SPACA7: variants seen among roughly 807,000 people sequenced by gnomAD.
SPACA7 encodes the protein sperm acrosome associated 7.
In SPACA7, 19 loss-of-function variants were observed where a neutral mutation model predicts 26.3. That is an observed-to-expected ratio of 0.72 (90% CI 0.50 to 1.06). The LOEUF (loss-of-function observed/expected upper bound fraction) is 1.06. Among genes scored for constraint, SPACA7 ranks in the 50% least tolerant of loss-of-function variants. SPACA7 has a pLI of 0.00. For synonymous variants in SPACA7, 84 were observed against 84.5 expected, an observed-to-expected ratio of 0.99 and a Z score of 0.04; for missense variants, 211 against 229.9, an observed-to-expected ratio of 0.92 and a Z score of 0.53.
intron 5 of SPACA7, among the ~76,000 whole-genome samples, chr13:112,414,203 A>C (rs906279055): frequency 2.6e-5 from 4 of 152,078 alleles, no homozygotes; most frequent in African/African-American, 9.7e-5. Context: ...CAAACATTCA[A>C]ACTATATCAG....
chr13:112,389,816 C>A (rs1884760832), intron 1 of SPACA7, among the ~76,000 whole-genome samples: 1 of 152,168 alleles, frequency 6.6e-6, no homozygotes, highest in Admixed American at 6.5e-5. Flanking sequence ...AATTATGTTT[C>A]TGATAAAAAC....
chr13:112,401,025 A>T (rs769311538), intron 4 of SPACA7, 44 bp from the exon 5 acceptor site: 1 of 1,414,532 alleles, frequency 7.1e-7, no homozygotes, highest in Admixed American at 1.7e-5. Context: ...ATAAGTGTGT[A>T]ATCAAGGACA....
intron 1 of SPACA7, among the ~76,000 whole-genome samples, chr13:112,383,135 AAG>A (rs1555324473): frequency 4.0e-4 from 7 of 17,556 alleles, no homozygotes; most frequent in South Asian, 1.6e-3. Flanking sequence ...GAAAGAAAGA[AAG>A]AAAGAAAGAA....
At chr13:112,405,014 G>A (rs1041564295) in intron 5 of SPACA7, among the ~76,000 whole-genome samples, 10 of 119,864 alleles carry the variant, frequency 8.3e-5, no homozygotes, top group Non-Finnish European at 1.4e-4. Context: ...AGACAGTCTC[G>A]CTGTGTCGCC....
chr13:112,421,151 C>T (rs1594319182), intron 5 of SPACA7, among the ~76,000 whole-genome samples: 1 of 144,136 alleles, frequency 6.9e-6, no homozygotes, highest in African/African-American at 2.6e-5. Flanking sequence ...ATATGAAAGA[C>T]ATTTTGGTAC....
intron 5 of SPACA7, among the ~76,000 whole-genome samples, chr13:112,410,029 T>C (rs979362873): frequency 6.6e-6 from 1 of 152,146 alleles, no homozygotes; most frequent in Admixed American, 6.6e-5. Context: ...TGGAATACTA[T>C]GCAGCCATAA....
intron 5 of SPACA7, among the ~76,000 whole-genome samples, chr13:112,430,749 A>G (rs1877042081): frequency 6.6e-6 from 1 of 152,230 alleles, no homozygotes; most frequent in Admixed American, 6.5e-5. Context: ...AGTCGAATGA[A>G]ACCACACATA....
chr13:112,427,844 A>G (rs1412453699), intron 5 of SPACA7, among the ~76,000 whole-genome samples: 1 of 152,150 alleles, frequency 6.6e-6, no homozygotes, highest in African/African-American at 2.4e-5. Context: ...GTTTTTCACA[A>G]TAGTTTTTTT....
intron 5 of SPACA7, among the ~76,000 whole-genome samples, chr13:112,402,797 A>T (rs1468347685): frequency 6.6e-6 from 1 of 152,200 alleles, no homozygotes; most frequent in Non-Finnish European, 1.5e-5. Context: ...AATGATATTA[A>T]TGAGTTTCCT....
At chr13:112,398,509 C>T (rs1041721686) in intron 3 of SPACA7, among the ~76,000 whole-genome samples, 1 of 152,114 alleles carries the variant, frequency 6.6e-6, no homozygotes, top group Non-Finnish European at 1.5e-5. Flanking sequence ...CACGCTCACC[C>T]AAGGCTTCTG....
At chr13:112,376,603 A>C (rs1212322179) in intron 1 of SPACA7, 124 bp downstream of exon 1, 1 of 1,048,804 alleles carries the variant, frequency 9.5e-7, no homozygotes, top group African/African-American at 1.6e-5. Flanking sequence ...TCCTTGGGGA[A>C]TGAATGTAGC....
chr13:112,412,895 T>C (rs1336131826), intron 5 of SPACA7, among the ~76,000 whole-genome samples: 1 of 152,178 alleles, frequency 6.6e-6, no homozygotes, highest in African/African-American at 2.4e-5. Flanking sequence ...TATAACAAGT[T>C]ATTTTAAACT....
chr13:112,424,821 G>A (rs1400483856), intron 5 of SPACA7, among the ~76,000 whole-genome samples: 1 of 152,136 alleles, frequency 6.6e-6, no homozygotes, highest in African/African-American at 2.4e-5. Context: ...TGTTCATGCT[G>A]TCTCAGTACC....
intron 1 of SPACA7, among the ~76,000 whole-genome samples, chr13:112,383,377 C>A (rs9604308): frequency 0.053 from 8,055 of 152,026 alleles, 684 homozygotes; most frequent in African/African-American, 0.18. Flanking sequence ...TCTCTCCAGT[C>A]CCTATTTTTT....
At chr13:112,382,602 T>C (rs763863362) in intron 1 of SPACA7, 9 of 1,445,186 alleles carry the variant, frequency 6.2e-6, no homozygotes, top group Non-Finnish European at 8.3e-6. Flanking sequence ...TTATTACCTT[T>C]ATCTATAGTT....
At chr13:112,404,198 T>G (rs1020150650) in intron 5 of SPACA7, among the ~76,000 whole-genome samples, 3 of 152,264 alleles carry the variant, frequency 2.0e-5, no homozygotes, top group Non-Finnish European at 4.4e-5. Flanking sequence ...TTTTTTCAAC[T>G]GTTCGTTGGC....
chr13:112,432,771 G>C (rs1458392939), intron 6 of SPACA7, among the ~76,000 whole-genome samples: 1 of 152,146 alleles, frequency 6.6e-6, no homozygotes, highest in Non-Finnish European at 1.5e-5. Flanking sequence ...TGGAACAGGG[G>C]ACTAGTCCCC....
intron 5 of SPACA7, 121 bp downstream of exon 5, chr13:112,401,285 C>G: frequency 2.9e-6 from 2 of 694,098 alleles, no homozygotes; most frequent in Non-Finnish European, 5.0e-6. Flanking sequence ...TTTCCACCAA[C>G]ATCATGGTGA....
intron 5 of SPACA7, 124 bp downstream of exon 5, chr13:112,401,288 C>A: frequency 1.5e-6 from 1 of 683,404 alleles, no homozygotes. Flanking sequence ...CCACCAACAT[C>A]ATGGTGAGAA....
Sources: gnomAD v4.1 joint callset for allele counts (sites outside exome capture counted in the v4.1 genomes callset) on GRCh38, gnomAD v4.1.1 for gene constraint, MANE v1.5 for transcripts, NCBI Gene and HGNC (gene_info 2026-07-23, HGNC 2026-07-21) for gene names.